DNAJC11: variants seen among roughly 807,000 people sequenced by gnomAD.
DNAJC11 encodes the protein DnaJ heat shock protein family (Hsp40) member C11, also known as dnaJ homolog subfamily C member 11.
DNAJC11 carries 15 observed loss-of-function variants against 78.6 expected under a neutral mutation model. The observed-to-expected ratio is 0.19, with a 90% confidence interval of 0.13 to 0.29. The LOEUF is 0.29. DNAJC11 is among the 10% of genes least tolerant of loss of function. The probability of loss-of-function intolerance (pLI) is 1.00; values close to 1 mark genes in which losing one functional copy is unlikely to be tolerated. For missense variants in DNAJC11, 547 were observed against 709.6 expected (o/e 0.77, Z 2.60); for synonymous variants, 292 against 272.1 (o/e 1.07, Z -0.72).
intron 7 of DNAJC11, 115 bp downstream of exon 7, chr1:6,651,414 T>C: frequency 1.1e-6 from 1 of 898,460 alleles, no homozygotes; most frequent in Non-Finnish European, 1.8e-6. Flanking sequence ...ATGTACGCAG[T>C]GACCTTGTAG....
In DNAJC11 at chr1:6,634,637, C is replaced by T. The variant is rs776572140; in HGVS notation, c.*1038G>A. ...CACGTAACTTTACTGCAGCCGAGGT[C>T]CAGGCCGTGGAGGGGGTCCTAGCTC... On this transcript the variant is annotated 3_prime_UTR_variant, in exon 16 of 16. Transcript: ENST00000377577. 68 of 1,366,358 alleles carry T rather than the reference C, an allele frequency of 5.0e-5. No individual in the cohort carries two copies. The highest frequency in any genetic ancestry group is 5.8e-5 in the Non-Finnish European group (59 of 1,021,866). The allele number at this position is 1,366,358 out of a possible 1,614,324, so 84.6% of individuals were successfully genotyped here. A position where few individuals can be genotyped will look rare whatever the true frequency, so the allele number is the denominator to read the frequency against.
intron 1 of DNAJC11, among the ~76,000 whole-genome samples, chr1:6,696,240 T>G (rs998044259): frequency 6.6e-6 from 1 of 152,264 alleles, no homozygotes; most frequent in Admixed American, 6.5e-5. Flanking sequence ...CAGAGCCATC[T>G]TTATTTTTTA....
chr1:6,652,770 A>G (rs1480010445), intron 6 of DNAJC11, 59 bp downstream of exon 6: 1 of 1,607,846 alleles, frequency 6.2e-7, no homozygotes, highest in Non-Finnish European at 8.5e-7. Flanking sequence ...TTGAGAGTGT[A>G]AATGTTCAGA....
intron 7 of DNAJC11, among the ~76,000 whole-genome samples, chr1:6,647,054 G>A (rs1037230996): frequency 4.7e-5 from 7 of 150,304 alleles, no homozygotes; most frequent in Non-Finnish European, 1.0e-4. Flanking sequence ...GACTGAGGAG[G>A]AAGGAGCACT....
At chr1:6,637,042 G>C (rs1043691052) in intron 14 of DNAJC11, among the ~76,000 whole-genome samples, 156 bp downstream of exon 14, 3 of 152,166 alleles carry the variant, frequency 2.0e-5, no homozygotes, top group Admixed American at 2.0e-4. Flanking sequence ...TAGAGATAGG[G>C]TTTTGCCATG....
rs1344694689 is a variant in DNAJC11 at position 6,636,305 on chromosome 1, C to T, written c.1525-59G>A. The T allele has an allele frequency of 4.4e-6, 7 of 1,599,834 alleles. No individual in the cohort carries two copies. In the Admixed American group the frequency reaches 6.8e-5, roughly 15 times the overall value. On this transcript the variant is annotated intron_variant, in intron 14 of 15. Transcript: ENST00000377577. ...AGACGGTCTAAGACCAGCACTCCTC[C>T]TCACTACCACCGGAGGGGCAGTGTG... is the stretch of plus-strand genomic sequence containing the variant.
At chr1:6,636,413 C>G (rs1641769162) in intron 14 of DNAJC11, among the ~76,000 whole-genome samples, 167 bp from the exon 15 acceptor site, 1 of 152,186 alleles carries the variant, frequency 6.6e-6, no homozygotes, top group South Asian at 2.1e-4. Context: ...GTTGCCAAGA[C>G]TCGCTTCTTA....
intron 1 of DNAJC11, among the ~76,000 whole-genome samples, chr1:6,693,883 A>G (rs1229783268): frequency 7.8e-6 from 1 of 127,498 alleles, no homozygotes; most frequent in Non-Finnish European, 1.6e-5. Flanking sequence ...TCTGTTGCCC[A>G]GGCTGGAGCA....
intron 1 of DNAJC11, among the ~76,000 whole-genome samples, chr1:6,692,909 C>A (rs973439849): frequency 3.4e-5 from 5 of 147,778 alleles, no homozygotes; most frequent in African/African-American, 1.0e-4. Flanking sequence ...CTGCGCCCAG[C>A]CTCTTTTTTT....
At chr1:6,683,239 C>G (rs1055147838) in intron 1 of DNAJC11, among the ~76,000 whole-genome samples, 1 of 152,040 alleles carries the variant, frequency 6.6e-6, no homozygotes, top group Non-Finnish European at 1.5e-5. Flanking sequence ...CGCTCTGGGG[C>G]AACACAGCCT....
Position 6,645,011 on chromosome 1 carries a change from T to C in DNAJC11, c.980+30A>G. On this transcript the variant is annotated intron_variant, in intron 9 of 15. Coordinates refer to ENST00000377577, the MANE Select transcript of DNAJC11 (RefSeq NM_018198.4). This position sits in a 1 kb window ranked among gnomAD's most constrained non-coding sequence, Gnocchi z 4.1. ...TGAAGACCCGCATGCAGTACCAGTG[T>C]GCTTCCATTTTAGCCAGGCCAGGAC... The C allele has an allele frequency of 1.2e-6, 2 of 1,600,276 alleles. No homozygotes were observed. The highest frequency in any genetic ancestry group is 1.7e-6 in the Non-Finnish European group (2 of 1,167,586).
intron 4 of DNAJC11, among the ~76,000 whole-genome samples, chr1:6,662,532 G>A (rs1642232269): frequency 6.6e-6 from 1 of 152,106 alleles, no homozygotes; most frequent in African/African-American, 2.4e-5. Context: ...TCTTACAAAT[G>A]TTACCAATCA....
At position 6,678,951 on chromosome 1, in the gene DNAJC11, T is replaced by C. The variant is rs919742857; in HGVS notation, c.203-484A>G. On this transcript the variant is annotated intron_variant, in intron 2 of 15. Transcript: ENST00000377577. ...GGTGTGAGCCACTGCACCCAGCTAATGTAGGATATGTTTAAAGGCGGCTAC... is the reference window on the plus strand; with the variant it reads ...GGTGTGAGCCACTGCACCCAGCTAACGTAGGATATGTTTAAAGGCGGCTAC... Among the ~76,000 whole-genome samples, 3 of 152,276 alleles carry C rather than the reference T, an allele frequency of 2.0e-5. 1 individual carries two copies. In the South Asian group the frequency reaches 6.2e-4, roughly 32 times the overall value.
chr1:6,701,715 G>A lies in DNAJC11; in HGVS notation c.72+14C>T. 6.5e-7 allele frequency: 1 copy of A among 1,540,814 alleles called. No individual in the cohort carries two copies. Among genetic ancestry groups the A allele is most frequent in the Non-Finnish European group, 8.7e-7 (1 of 1,148,072 alleles). ...TCGGCCTCAGCCCCCAGAGCGTCCA[G>A]CCGCTGGCCTCACCTCCCTGCGCAC... On this transcript the variant is annotated intron_variant, in intron 1 of 15. Coordinates refer to ENST00000377577, the MANE Select transcript of DNAJC11 (RefSeq NM_018198.4).
chr1:6,693,540 C>T (rs1335152296), intron 1 of DNAJC11, among the ~76,000 whole-genome samples: 7 of 151,990 alleles, frequency 4.6e-5, no homozygotes, highest in African/African-American at 1.7e-4. Context: ...CCCACCACCA[C>T]ACCCAGCTAG....
intron 7 of DNAJC11, 83 bp downstream of exon 7, chr1:6,651,446 C>A: frequency 1.6e-6 from 2 of 1,218,950 alleles, no homozygotes; most frequent in Non-Finnish European, 2.4e-6. Context: ...TAGTGCCAAC[C>A]ACTGTGATAA....
intron 1 of DNAJC11, among the ~76,000 whole-genome samples, chr1:6,688,983 G>T (rs767325057): frequency 6.6e-6 from 1 of 152,104 alleles, no homozygotes; most frequent in African/African-American, 2.4e-5. Flanking sequence ...CTTCCTCTGC[G>T]GTGGAAGAGG....
chr1:6,635,746 C>T, intron 15 of DNAJC11, 46 bp from the exon 16 acceptor site: 1 of 1,611,030 alleles, frequency 6.2e-7, no homozygotes, highest in Admixed American at 1.7e-5. Context: ...GTGGCCATTC[C>T]CATGCACCTT....
chr1:6,656,441 C>T (rs973634060), intron 4 of DNAJC11, among the ~76,000 whole-genome samples: 3 of 151,810 alleles, frequency 2.0e-5, no homozygotes, highest in Admixed American at 2.0e-4. Context: ...TCAAAGAAAA[C>T]TGTTGTGAAT....
Sources: allele counts gnomAD v4.1 joint callset (sites outside exome capture counted in the v4.1 genomes callset), GRCh38; gene constraint gnomAD v4.1.1; non-coding constraint Gnocchi (gnomAD v3.1); transcripts MANE v1.5; gene names NCBI Gene and HGNC (gene_info 2026-07-23, HGNC 2026-07-21).